Variants in DST observed in about 807,000 individuals in gnomAD.
DST encodes bullous pemphigoid antigen.
Under a neutral mutation model 875.2 loss-of-function variants are expected in DST, and 253 were observed. The ratio of observed to expected loss-of-function variants is 0.29; its 90% CI spans 0.26 to 0.32. The LOEUF is 0.32. Among genes scored for constraint, DST ranks in the 10% least tolerant of loss-of-function variants. DST has a pLI of 1.00. For missense variants in DST, 8,287 were observed against 9,111.6 expected (o/e 0.91, Z 3.68); for synonymous variants, 3,124 against 3,197.1 (o/e 0.98, Z 0.77).
chr6:56,946,088 G>C (rs986055107), intron 2 of DST, among the ~76,000 whole-genome samples: 1 of 152,122 alleles, frequency 6.6e-6, no homozygotes, highest in African/African-American at 2.4e-5. Context: ...CTTCTTTTAA[G>C]TAGGCCCAAG....
chr6:56,639,814 G>A lies in DST; in HGVS notation c.2620-41C>T, dbSNP rs186343171. The A allele has an allele frequency of 1.3e-4, 201 of 1,591,138 alleles. 1 individual carries two copies. In the Middle Eastern group the frequency reaches 2.2e-3, roughly 18 times the overall value. On this transcript the variant is annotated intron_variant, in intron 19 of 103. Coordinates refer to ENST00000680361, the MANE Select transcript of DST (RefSeq NM_001374736.1). The stretch of plus-strand genomic sequence containing the variant: ...AAAAAGACACTCCAGTCAGGAATCT[G>A]AAGGAATTCTGACTCACACTTAATG...
At chr6:56,878,777 A>G (rs1780667786) in intron 3 of DST, among the ~76,000 whole-genome samples, 1 of 152,196 alleles carries the variant, frequency 6.6e-6, no homozygotes, top group Non-Finnish European at 1.5e-5. Context: ...AAGAGAGGGA[A>G]AAAACCAACC....
intron 53 of DST, among the ~76,000 whole-genome samples, chr6:56,571,347 A>C (rs528834465): frequency 1.3e-5 from 2 of 152,238 alleles, no homozygotes; most frequent in Non-Finnish European, 2.9e-5. Context: ...TCTTCTACGC[A>C]ATGTGAATTA....
chr6:56,605,041 A>G lies in DST; in HGVS notation c.9587T>C (p.Val3196Ala). ...HCAKNIKAKDVAKPNEDVPSH... is the reference protein window; with the variant it reads ...HCAKNIKAKDAAKPNEDVPSH... ...TGGGACATCTTCATTTGGTTTGGCT[A>G]CATCTTTTGCTTTTATATTTTTAGC... Residue 3196 changes from valine (V) to alanine (A), a missense_variant, in exon 40 of 104, where the codon GTA (valine) becomes GCA (alanine). Val to Ala is a moderately conservative substitution (Grantham distance 64). Transcript: ENST00000680361. 1.9e-6 allele frequency: 3 copies of G among 1,612,856 alleles called. No homozygotes were observed. The highest frequency in any genetic ancestry group is 2.2e-5 in the South Asian group (2 of 91,044).
chr6:56,486,358 G>A (rs1460227000), intron 87 of DST, among the ~76,000 whole-genome samples: 31 of 85,966 alleles, frequency 3.6e-4, no homozygotes, highest in African/African-American at 7.2e-4. Flanking sequence ...GCGAGACTCC[G>A]TCTCAAAAAA....
intron 31 of DST, 79 bp downstream of exon 31, chr6:56,630,166 T>G (rs1278989265): frequency 9.1e-7 from 1 of 1,093,050 alleles, no homozygotes; most frequent in Non-Finnish European, 1.4e-6. Context: ...TATTTAACAC[T>G]TGATGTTTGA....
chr6:56,663,248 A>G (rs1313851195), intron 10 of DST, among the ~76,000 whole-genome samples: 1 of 152,208 alleles, frequency 6.6e-6, no homozygotes, highest in African/African-American at 2.4e-5. Context: ...TAACTCTAAG[A>G]ATTTTAAAAT....
intron 3 of DST, among the ~76,000 whole-genome samples, chr6:56,893,727 T>C (rs1180753925): frequency 3.1e-5 from 2 of 63,724 alleles, no homozygotes; most frequent in East Asian, 3.4e-4. Flanking sequence ...CTGGTTTTCC[T>C]AGGCAGAGGA....
In DST at chr6:56,462,573, C is replaced by T. The variant is rs148771903; in HGVS notation, c.23070+473G>A. Among the ~76,000 whole-genome samples the T allele has an allele frequency of 4.0e-4, 61 of 152,284 alleles. No homozygotes were observed. The East Asian group carries it at 9.8e-3, about 25-fold the overall frequency. ...TAAATGTAACAGACATCCAGAAGGA[C>T]CATGCCCACAGTGAACATTCAGTAA... On this transcript the variant is annotated intron_variant, in intron 102 of 103. Coordinates refer to ENST00000680361, the MANE Select transcript of DST (RefSeq NM_001374736.1).
chr6:56,758,917 A>G (rs994930534), intron 4 of DST, among the ~76,000 whole-genome samples: 1 of 152,200 alleles, frequency 6.6e-6, no homozygotes, highest in African/African-American at 2.4e-5. Context: ...AGATTCAACC[A>G]GAGTGCACAA....
chr6:56,880,763 G>C (rs1347832293), intron 3 of DST, among the ~76,000 whole-genome samples: 1 of 147,524 alleles, frequency 6.8e-6, no homozygotes, highest in African/African-American at 2.5e-5. Context: ...TCCATAATTA[G>C]TGAAAGAGAT....
At chr6:56,587,486 T>C (rs1437861608) in intron 49 of DST, among the ~76,000 whole-genome samples, 2 of 152,170 alleles carry the variant, frequency 1.3e-5, no homozygotes, top group Non-Finnish European at 2.9e-5. Flanking sequence ...GAAAACACTC[T>C]GCAGGATATT....
At chr6:56,707,018 A>C (rs1375816352) in intron 5 of DST, among the ~76,000 whole-genome samples, 1 of 152,172 alleles carries the variant, frequency 6.6e-6, no homozygotes, top group East Asian at 1.9e-4. Flanking sequence ...AAACAAACAA[A>C]CAAAACAATA....
intron 69 of DST, among the ~76,000 whole-genome samples, chr6:56,522,194 TA>T (rs1385749131): frequency 6.6e-6 from 1 of 152,124 alleles, no homozygotes; most frequent in Non-Finnish European, 1.5e-5. Context: ...TAACATGCAA[TA>T]CCTCCTTTAA....
chr6:56,476,245 A>G lies in DST; in HGVS notation c.21768T>C (p.Ala7256=). 1 of 1,611,330 alleles carries G rather than the reference A, an allele frequency of 6.2e-7. No individual in the cohort carries two copies. The highest frequency in any genetic ancestry group is 1.1e-5 in the South Asian group (1 of 90,374). ...AKQELLEALL[A]WLQWAETTLT... Reference sequence around the variant, plus strand: ...GTGTAGTTTCAGCCCATTGCAACCAAGCCAGCAAAGCTTCCAACAATTCCT... The same window carrying G: ...GTGTAGTTTCAGCCCATTGCAACCAGGCCAGCAAAGCTTCCAACAATTCCT... The change falls in exon 92 of 104, where the codon GCT becomes GCC. Residue 7256 remains alanine (A), a synonymous_variant. Coordinates refer to ENST00000680361, the MANE Select transcript of DST (RefSeq NM_001374736.1).
At chr6:56,695,775 T>C (rs1310420676) in intron 9 of DST, among the ~76,000 whole-genome samples, 1 of 152,188 alleles carries the variant, frequency 6.6e-6, no homozygotes, top group African/African-American at 2.4e-5. Context: ...AAAGCCTGAC[T>C]GAAAAACAGA....
chr6:56,708,344 T>C (rs1396102404), intron 5 of DST, among the ~76,000 whole-genome samples: 1 of 152,046 alleles, frequency 6.6e-6, no homozygotes, highest in African/African-American at 2.4e-5. Context: ...ATGTATAAAA[T>C]AAAAGCTACT....
chr6:56,481,905 C>G (rs949655630), intron 90 of DST, 145 bp downstream of exon 90: 1 of 866,036 alleles, frequency 1.2e-6, no homozygotes. Context: ...GCAATGTGGA[C>G]AGAAGTACAC....
intron 89 of DST, 73 bp from the exon 90 acceptor site, chr6:56,482,251 T>TA: frequency 6.7e-7 from 1 of 1,491,292 alleles, no homozygotes; most frequent in Non-Finnish European, 9.0e-7. Flanking sequence ...TACAAAACTG[T>TA]ATAGTGGATT....
Sources: gnomAD v4.1 joint callset for allele counts (sites outside exome capture counted in the v4.1 genomes callset) on GRCh38, gnomAD v4.1.1 for gene constraint, MANE v1.5 for transcripts, NCBI Gene and HGNC (gene_info 2026-07-23, HGNC 2026-07-21) for gene names.